Variants in NNMT observed in about 807,000 individuals in gnomAD.
The protein encoded by NNMT is nicotinamide N-methyltransferase.
In NNMT, 10 loss-of-function variants were observed where a neutral mutation model predicts 11.7. The observed-to-expected ratio is 0.85, with a 90% CI of 0.53 to 1.45. The LOEUF (loss-of-function observed/expected upper bound fraction) is 1.45. Among genes scored for constraint, NNMT ranks in the 40% most tolerant of loss-of-function variants. The pLI is 0.00. For missense variants in NNMT, 381 were observed against 319.4 expected, an observed-to-expected ratio of 1.19 and a Z score of -1.47; for synonymous variants, 143 against 133.8, an observed-to-expected ratio of 1.07 and a Z score of -0.48.
intron 2 of NNMT, among the ~76,000 whole-genome samples, chr11:114,305,455 C>T (rs932263823): frequency 2.0e-5 from 3 of 151,614 alleles, no homozygotes; most frequent in Non-Finnish European, 4.4e-5. Context: ...CCCATTAACT[C>T]GTCATTTACA....
chr11:114,266,226 C>G (rs1945118585), intron 2 of NNMT, among the ~76,000 whole-genome samples: 1 of 152,172 alleles, frequency 6.6e-6, no homozygotes, highest in Non-Finnish European at 1.5e-5. Flanking sequence ...TCCCCCACCC[C>G]ACCTCGCTGT....
rs142228310 is a variant in NNMT at position 114,285,410 on chromosome 11, G to C, written c.-129-11018G>C. 7.4e-3 allele frequency among the ~76,000 whole-genome samples: 1,120 copies of C among 152,222 alleles called. 17 individuals carry two copies. The highest frequency in any genetic ancestry group is 0.026 in the African/African-American group (1,075 of 41,532). On this transcript the variant is annotated intron_variant, in intron 2 of 4. Coordinates refer to the NNMT transcript ENST00000535401. ...TACCCCAAAGGTAGCCATGACTTAA[G>C]AGTGACAAAAGAGAGAAGCTGACAG...
chr11:114,271,301 C>A (rs374125759), intron 2 of NNMT, among the ~76,000 whole-genome samples: 23 of 152,210 alleles, frequency 1.5e-4, no homozygotes, highest in African/African-American at 5.1e-4. Flanking sequence ...TGATCTCAGA[C>A]CAAATTATAC....
At chr11:114,267,002 C>T (rs1461363969) in intron 2 of NNMT, among the ~76,000 whole-genome samples, 1 of 152,246 alleles carries the variant, frequency 6.6e-6, no homozygotes, top group Non-Finnish European at 1.5e-5. Context: ...CGGTGGCTCA[C>T]ACTTTTAATC....
intron 2 of NNMT, among the ~76,000 whole-genome samples, chr11:114,277,721 C>T (rs1043284705): frequency 2.6e-5 from 4 of 152,162 alleles, no homozygotes; most frequent in Admixed American, 2.6e-4. Context: ...TGTGGTAGAA[C>T]AGGACAGTGC....
At chr11:114,262,552 C>T (rs1473620450) in intron 1 of NNMT, among the ~76,000 whole-genome samples, 2 of 152,326 alleles carry the variant, frequency 1.3e-5, no homozygotes, top group East Asian at 3.9e-4. Context: ...AGAACCAGTT[C>T]ACCAGCCAAC....
intron 2 of NNMT, among the ~76,000 whole-genome samples, chr11:114,290,995 T>G (rs1366116835): frequency 6.6e-6 from 1 of 152,360 alleles, no homozygotes; most frequent in East Asian, 1.9e-4. Context: ...GGTGTTGCAG[T>G]TTTTTATCAG....
At chr11:114,308,985 T>C (rs115752107) in intron 2 of NNMT, among the ~76,000 whole-genome samples, 332 of 152,330 alleles carry the variant, frequency 2.2e-3, no homozygotes, top group African/African-American at 7.6e-3. Context: ...GTTCTAGTTC[T>C]GTGGTAACTC....
At chr11:114,259,353 G>C (rs1006885981) in intron 1 of NNMT, among the ~76,000 whole-genome samples, 2 of 150,498 alleles carry the variant, frequency 1.3e-5, no homozygotes, top group Admixed American at 1.3e-4. Context: ...CCAGTGGGGG[G>C]GGGGGAGCTC....
At chr11:114,267,860 G>A (rs1260228054) in intron 2 of NNMT, among the ~76,000 whole-genome samples, 3 of 152,038 alleles carry the variant, frequency 2.0e-5, no homozygotes, top group Non-Finnish European at 1.5e-5. Context: ...TGGTTCCTCC[G>A]TATCCTCACT....
chr11:114,277,672 T>C (rs1007701657), intron 2 of NNMT, among the ~76,000 whole-genome samples: 1 of 152,144 alleles, frequency 6.6e-6, no homozygotes, highest in African/African-American at 2.4e-5. Flanking sequence ...GAACCTTAGA[T>C]GTAATTGTGG....
intron 2 of NNMT, among the ~76,000 whole-genome samples, chr11:114,278,883 A>G (rs1945236785): frequency 6.6e-6 from 1 of 152,128 alleles, no homozygotes; most frequent in Non-Finnish European, 1.5e-5. Flanking sequence ...GAAAGCTGCT[A>G]TGGGATGGGA....
At chr11:114,297,415 C>T (rs1945392359) in intron 1 of NNMT, 1 of 146,156 alleles carries the variant, frequency 6.8e-6, no homozygotes, top group African/African-American at 2.5e-5. Flanking sequence ...CATTTTTAGT[C>T]TTTTTGATAT....
chr11:114,270,207 T>C (rs1363810440), intron 2 of NNMT: 4 of 152,248 alleles, frequency 2.6e-5, no homozygotes, highest in African/African-American at 9.6e-5. Context: ...CATGGGTACC[T>C]TGAAAAGAAG....
rs200319273 is a variant in NNMT, at chr11:114,312,228, C to A, written c.546C>A (p.Asn182Lys). Reference sequence around the variant, plus strand: ...CCACCTACTGCAGGGCGCTCAGGAACCTCGGCAGCCTACTGAAGCCAGGGG... The same window carrying A: ...CCACCTACTGCAGGGCGCTCAGGAAACTCGGCAGCCTACTGAAGCCAGGGG... ...DLPTYCRALR[N>K]LGSLLKPGGF... The change falls in exon 3 of 3, where the codon AAC (asparagine) becomes AAA (lysine). Residue 182 changes from asparagine (N) to lysine (K), a missense_variant. Coordinates refer to ENST00000299964, the MANE Select transcript of NNMT (RefSeq NM_006169.3). 83 of 1,614,116 alleles carry A rather than the reference C, an allele frequency of 5.1e-5. No individual in the cohort carries two copies. The highest frequency in any genetic ancestry group is 8.5e-6 in the Non-Finnish European group (10 of 1,180,048).
intron 2 of NNMT, among the ~76,000 whole-genome samples, chr11:114,282,433 G>C (rs999177305): frequency 6.6e-6 from 1 of 152,080 alleles, no homozygotes; most frequent in African/African-American, 2.4e-5. Flanking sequence ...AAAGTCTAAA[G>C]ACAAAAAGGA....
chr11:114,295,377 C>T (rs1290893051), upstream of NNMT, among the ~76,000 whole-genome samples: 1 of 150,534 alleles, frequency 6.6e-6, no homozygotes, highest in Non-Finnish European at 1.5e-5. Flanking sequence ...CCCATCCCTA[C>T]TCTGTCTCAA....
chr11:114,266,821 T>C (rs1945123798), intron 2 of NNMT, among the ~76,000 whole-genome samples: 1 of 152,270 alleles, frequency 6.6e-6, no homozygotes, highest in South Asian at 2.1e-4. Context: ...CACCATGTGA[T>C]GAGACGGCAT....
chr11:114,258,163 T>G (rs1309392463), intron 1 of NNMT, among the ~76,000 whole-genome samples: 1 of 152,094 alleles, frequency 6.6e-6, no homozygotes, highest in African/African-American at 2.4e-5. Context: ...GGCACATTGC[T>G]GGGGTCAGAA....
Sources: allele counts gnomAD v4.1 joint callset (sites outside exome capture counted in the v4.1 genomes callset), GRCh38; gene constraint gnomAD v4.1.1; transcripts MANE v1.5; gene names NCBI Gene and HGNC (gene_info 2026-07-23, HGNC 2026-07-21).